Variants in SPEF2 observed in about 807,000 individuals in gnomAD.
SPEF2 encodes sperm flagella and cilia-associated protein 2.
In SPEF2, 187 loss-of-function variants were observed where a neutral mutation model predicts 224.6. That is an observed-to-expected ratio of 0.83 (90% CI 0.74 to 0.94). The LOEUF (loss-of-function observed/expected upper bound fraction) is 0.94. SPEF2 is among the 40% of genes least tolerant of loss of function. The probability of loss-of-function intolerance (pLI) is 0.00; values close to 1 mark genes in which losing one functional copy is unlikely to be tolerated. For synonymous variants in SPEF2, 715 were observed against 707.3 expected, an observed-to-expected ratio of 1.01 and a Z score of -0.17; for missense variants, 2,170 against 2,135.6, an observed-to-expected ratio of 1.02 and a Z score of -0.32.
At chr5:35,655,145 C>T (rs769883091) in intron 7 of SPEF2, among the ~76,000 whole-genome samples, 7 of 152,084 alleles carry the variant, frequency 4.6e-5, no homozygotes, top group African/African-American at 7.2e-5. Flanking sequence ...CAGTCTATTC[C>T]AGTGGTTCTT....
chr5:35,750,026 A>G (rs1749164146), intron 23 of SPEF2, among the ~76,000 whole-genome samples: 1 of 152,218 alleles, frequency 6.6e-6, no homozygotes, highest in East Asian at 1.9e-4. Context: ...ATGGAACAGA[A>G]TAGAGAACCC....
At chr5:35,814,367 G>A in intron 36 of SPEF2, 97 bp from the exon 37 acceptor site, 1 of 568,336 alleles carries the variant, frequency 1.8e-6, no homozygotes, top group East Asian at 3.4e-5. Flanking sequence ...TTTAATGGTT[G>A]CCATGTACTA....
intron 3 of SPEF2, among the ~76,000 whole-genome samples, chr5:35,642,219 G>A (rs1265924997): frequency 6.6e-6 from 1 of 152,116 alleles, no homozygotes; most frequent in Non-Finnish European, 1.5e-5. Flanking sequence ...CTTCTGCTCA[G>A]AAACCTATTT....
At chr5:35,752,226 G>A (rs947994136) in intron 23 of SPEF2, among the ~76,000 whole-genome samples, 6 of 152,042 alleles carry the variant, frequency 3.9e-5, no homozygotes, top group African/African-American at 1.4e-4. Context: ...GCGGCCCAAG[G>A]GTTGGGGACC....
chr5:35,667,194 A>G lies in SPEF2; in HGVS notation c.1290A>G (p.Ala430=). 4.3e-6 allele frequency: 7 copies of G among 1,610,680 alleles called. No individual in the cohort carries two copies. Among genetic ancestry groups the G allele is most frequent in the Non-Finnish European group, 4.2e-6 (5 of 1,177,912 alleles). Residue 430 remains alanine, a synonymous_variant, in exon 9 of 37, where the codon GCA becomes GCG. Transcript: ENST00000356031. ...ARYEKHYSVC[A]EILDQIVDLS... ...ATGAAAAGCATTATTCAGTATGTGC[A>G]GAAATTTTGGATCAAATAGTTGATT...
At chr5:35,670,963 C>T in intron 10 of SPEF2, 18 of 985,342 alleles carry the variant, frequency 1.8e-5, no homozygotes, top group Non-Finnish European at 2.2e-5. Flanking sequence ...TTTCTTTCCT[C>T]ACCATCCTAC....
chr5:35,658,431 G>A (rs1348613255), intron 7 of SPEF2, among the ~76,000 whole-genome samples: 2 of 152,048 alleles, frequency 1.3e-5, no homozygotes, highest in African/African-American at 4.8e-5. Context: ...TCCTCACGTT[G>A]GTATTGTGAT....
At chr5:35,630,621 G>A (rs1281649108) in intron 2 of SPEF2, among the ~76,000 whole-genome samples, 2 of 152,100 alleles carry the variant, frequency 1.3e-5, no homozygotes, top group South Asian at 2.1e-4. Flanking sequence ...GCATGAACCC[G>A]GGAGGCGGAG....
At chr5:35,668,660 T>C (rs190583719) in intron 9 of SPEF2, among the ~76,000 whole-genome samples, 1 of 152,270 alleles carries the variant, frequency 6.6e-6, no homozygotes, top group East Asian at 1.9e-4. Context: ...AGACACTGGG[T>C]AAAGGGTATA....
intron 14 of SPEF2, 89 bp downstream of exon 14, chr5:35,695,885 T>C: frequency 1.1e-6 from 1 of 928,402 alleles, no homozygotes. Context: ...TGCAATGAAA[T>C]TGCAATGTGC....
At chr5:35,674,256 T>C (rs1245409019) in intron 10 of SPEF2, among the ~76,000 whole-genome samples, 1 of 151,674 alleles carries the variant, frequency 6.6e-6, no homozygotes, top group African/African-American at 2.4e-5. Flanking sequence ...AGATCTTTCT[T>C]CCTGGCTCAC....
intron 8 of SPEF2, among the ~76,000 whole-genome samples, chr5:35,666,424 T>A (rs187056558): frequency 1.4e-4 from 22 of 152,296 alleles, no homozygotes; most frequent in African/African-American, 4.6e-4. Flanking sequence ...GAGAGGGCGA[T>A]AACAAGCTAA....
At chr5:35,727,591 A>G (rs1456500152) in intron 20 of SPEF2, 84 bp from the exon 21 acceptor site, 11 of 1,173,796 alleles carry the variant, frequency 9.4e-6, no homozygotes, top group Admixed American at 2.3e-5. Context: ...CCTGAAGTCC[A>G]TGGTAATTAT....
At chr5:35,733,547 G>C (rs952047836) in intron 21 of SPEF2, among the ~76,000 whole-genome samples, 3 of 152,218 alleles carry the variant, frequency 2.0e-5, no homozygotes, top group Non-Finnish European at 4.4e-5. Context: ...TATAGGAAGA[G>C]AGAATCTCAG....
At chr5:35,775,809 T>C (rs773824357) in intron 28 of SPEF2, among the ~76,000 whole-genome samples, 1 of 151,898 alleles carries the variant, frequency 6.6e-6, no homozygotes, top group Non-Finnish European at 1.5e-5. Flanking sequence ...GGAGATAAAA[T>C]CCACCAACCA....
At chr5:35,778,510 C>G (rs1260927920) in intron 29 of SPEF2, among the ~76,000 whole-genome samples, 1 of 152,272 alleles carries the variant, frequency 6.6e-6, no homozygotes, top group East Asian at 1.9e-4. Context: ...TGCTGCTTTA[C>G]CATGTTATCT....
chr5:35,751,715 T>A (rs1169488476), intron 23 of SPEF2, among the ~76,000 whole-genome samples: 1 of 152,144 alleles, frequency 6.6e-6, no homozygotes, highest in Non-Finnish European at 1.5e-5. Flanking sequence ...AAAAACAAAG[T>A]ATTCCATAAA....
Position 35,649,563 on chromosome 5 carries a change from T to G in SPEF2, c.791+138T>G, listed in dbSNP as rs80047215. ...AAAGAATCTTGATTCAGAGAGTAAT[T>G]AGGGAAGATAAATGAGCTAAAGTTC... On this transcript the variant is annotated intron_variant, in intron 6 of 36. Transcript: ENST00000356031. 0.082 allele frequency: 47,784 copies of G among 582,162 alleles called. 2,649 individuals are homozygous for G. Among genetic ancestry groups the G allele is most frequent in the East Asian group, 0.22 (7,552 of 34,196 alleles). The allele number at this position is 582,162 out of a possible 1,614,324, so 36.1% of individuals were successfully genotyped here. A position where few individuals can be genotyped will look rare whatever the true frequency, so the allele number is the denominator to read the frequency against.
At chr5:35,788,823 A>G (rs1186487797) in intron 30 of SPEF2, 2 of 702,966 alleles carry the variant, frequency 2.8e-6, no homozygotes, top group East Asian at 5.4e-5. Flanking sequence ...CCTCTGTACA[A>G]TGATGTCAAA....
Sources: allele counts gnomAD v4.1 joint callset (sites outside exome capture counted in the v4.1 genomes callset), GRCh38; gene constraint gnomAD v4.1.1; transcripts MANE v1.5; gene names NCBI Gene and HGNC (gene_info 2026-07-23, HGNC 2026-07-21).